The following AGBL1 variants were observed in gnomAD, a reference collection of about 807,000 sequenced individuals.
The protein encoded by AGBL1 is cytosolic carboxypeptidase 4.
In AGBL1, 130 loss-of-function variants were observed where a neutral mutation model predicts 118.9. The observed-to-expected ratio is 1.09, with a 90% confidence interval of 0.95 to 1.26. The LOEUF (loss-of-function observed/expected upper bound fraction) is 1.26. AGBL1 is among the 50% of genes most tolerant of loss of function. The pLI is 0.00. For missense variants in AGBL1, 1,584 were observed against 1,298.1 expected, an observed-to-expected ratio of 1.22 and a Z score of -3.38; for synonymous variants, 555 against 478.9, an observed-to-expected ratio of 1.16 and a Z score of -2.08.
intron 17 of AGBL1, among the ~76,000 whole-genome samples, chr15:86,325,577 C>T (rs757682047): frequency 8.5e-5 from 13 of 152,234 alleles, no homozygotes; most frequent in Non-Finnish European, 1.5e-4. Context: ...GGGGAGTCTT[C>T]GCCTCTGCTG....
intron 5 of AGBL1, among the ~76,000 whole-genome samples, chr15:86,198,077 T>A (rs928803073): frequency 1.3e-5 from 2 of 152,108 alleles, no homozygotes; most frequent in African/African-American, 4.8e-5. Flanking sequence ...GACAGAGTCA[T>A]GGGGGTGACA....
chr15:86,857,146 C>A (rs576621181), intron 22 of AGBL1, among the ~76,000 whole-genome samples: 39 of 152,142 alleles, frequency 2.6e-4, no homozygotes, highest in Non-Finnish European at 4.0e-4. Flanking sequence ...TTTATCCATC[C>A]CCCAGCCAGC....
At chr15:86,847,711 G>A (rs1317277863) in intron 22 of AGBL1, among the ~76,000 whole-genome samples, 1 of 152,142 alleles carries the variant, frequency 6.6e-6, no homozygotes, top group Non-Finnish European at 1.5e-5. Context: ...GCTGGCTCCA[G>A]ATTTTATTTT....
chr15:86,903,129 T>C (rs1359206359), intron 22 of AGBL1, among the ~76,000 whole-genome samples: 1 of 152,082 alleles, frequency 6.6e-6, no homozygotes, highest in Non-Finnish European at 1.5e-5. Flanking sequence ...GGGTTTTTTC[T>C]ATTTTTCTAC....
intron 18 of AGBL1, among the ~76,000 whole-genome samples, chr15:86,521,055 C>T (rs1045027472): frequency 1.3e-5 from 2 of 152,160 alleles, no homozygotes; most frequent in African/African-American, 4.8e-5. Flanking sequence ...CAGAGAGGAA[C>T]ATGCACAAGA....
At chr15:86,437,667 C>A (rs1478491022) in intron 18 of AGBL1, among the ~76,000 whole-genome samples, 1 of 152,180 alleles carries the variant, frequency 6.6e-6, no homozygotes, top group Admixed American at 6.5e-5. Context: ...TTTCATCTAA[C>A]ACGGAGTGAG....
At chr15:86,698,610 G>GTTT (rs78700642) in intron 22 of AGBL1, among the ~76,000 whole-genome samples, 2 of 138,486 alleles carry the variant, frequency 1.4e-5, no homozygotes, top group Non-Finnish European at 1.6e-5. Flanking sequence ...GCTGATCATT[G>GTTT]TTTTTTTTTT....
At chr15:86,348,343 A>G (rs1362490303) in intron 17 of AGBL1, among the ~76,000 whole-genome samples, 1 of 152,254 alleles carries the variant, frequency 6.6e-6, no homozygotes, top group Non-Finnish European at 1.5e-5. Context: ...CTGTGTTTTC[A>G]CCTTAGTGAA....
At chr15:86,089,828 A>G (rs1279274009) in intron 1 of AGBL1, among the ~76,000 whole-genome samples, 1 of 152,082 alleles carries the variant, frequency 6.6e-6, no homozygotes, top group African/African-American at 2.4e-5. Context: ...GATTAAGAGG[A>G]CACTATAAGC....
chr15:86,971,945 C>T (rs189872187), intron 23 of AGBL1, among the ~76,000 whole-genome samples: 2 of 152,006 alleles, frequency 1.3e-5, no homozygotes, highest in Non-Finnish European at 1.5e-5. Flanking sequence ...TTGGCACTTC[C>T]CCTTCCTGCT....
chr15:86,433,266 CTTTTTTTTTTTT>C (rs59417397), intron 18 of AGBL1, among the ~76,000 whole-genome samples: 8 of 74,894 alleles, frequency 1.1e-4, no homozygotes, highest in African/African-American at 1.6e-4. Flanking sequence ...CCTCCTTCTT[CTTTTTTTTTTTT>C]TTTTTTTTTT....
In AGBL1 at chr15:86,271,043, A is replaced by ATTTTTTTTTTT. The variant is rs58166692; in HGVS notation, c.1988-564_1988-554dup. 6.7e-5 allele frequency among the ~76,000 whole-genome samples: 6 copies of ATTTTTTTTTTT among 89,060 alleles called. 1 individual carries two copies. The highest frequency in any genetic ancestry group is 9.6e-5 in the African/African-American group (2 of 20,916). The allele number at this position is 89,060 out of a possible 152,430, so 58.4% of individuals were successfully genotyped here. On this transcript the variant is annotated intron_variant, in intron 14 of 22. Transcript: ENST00000614907. ...TCTCTCTCTGCTTCAGTCACGTTGC[A>ATTTTTTTTTTT]TTTTTTTTTTTTTTTTTTTTTTGGC...
At chr15:86,465,708 T>C (rs1039173003) in intron 18 of AGBL1, among the ~76,000 whole-genome samples, 3 of 152,162 alleles carry the variant, frequency 2.0e-5, no homozygotes, top group African/African-American at 7.2e-5. Flanking sequence ...GATTGGGAAA[T>C]TCCAGCCTGG....
At chr15:86,660,363 A>G (rs2085519834) in intron 21 of AGBL1, among the ~76,000 whole-genome samples, 1 of 152,132 alleles carries the variant, frequency 6.6e-6, no homozygotes, top group Non-Finnish European at 1.5e-5. Context: ...CAAATAAATA[A>G]ATTTACCCTT....
chr15:86,360,967 CT>C (rs2080796975), intron 17 of AGBL1, among the ~76,000 whole-genome samples: 3 of 151,558 alleles, frequency 2.0e-5, no homozygotes. Flanking sequence ...TTTCTATTTT[CT>C]ATTTGATTTA....
At chr15:86,135,573 A>C (rs1415809123) in intron 1 of AGBL1, among the ~76,000 whole-genome samples, 1 of 152,208 alleles carries the variant, frequency 6.6e-6, no homozygotes, top group Non-Finnish European at 1.5e-5. Context: ...AGGCTCTGTC[A>C]GATTGCATAT....
At chr15:86,938,188 G>T (rs2080699647) in intron 23 of AGBL1, among the ~76,000 whole-genome samples, 1 of 152,144 alleles carries the variant, frequency 6.6e-6, no homozygotes, top group South Asian at 2.1e-4. Context: ...TGCTGCCCAT[G>T]GAAGTCTGCT....
chr15:86,917,008 G>A (rs1196779140), downstream of AGBL1, among the ~76,000 whole-genome samples: 1 of 152,228 alleles, frequency 6.6e-6, no homozygotes. This position sits in a 1 kb window ranked among gnomAD's most constrained non-coding sequence, Gnocchi z 4.8. Flanking sequence ...AAGACCTAAA[G>A]GAGGGGGAAT....
At chr15:86,755,688 G>T (rs2077928235) in intron 22 of AGBL1, among the ~76,000 whole-genome samples, 1 of 152,088 alleles carries the variant, frequency 6.6e-6, no homozygotes, top group Admixed American at 6.6e-5. Context: ...GTTCCTTCAT[G>T]TACTTTCCTG....
Sources: gnomAD v4.1 joint callset for allele counts (sites outside exome capture counted in the v4.1 genomes callset) on GRCh38, gnomAD v4.1.1 for gene constraint, Gnocchi (gnomAD v3.1) non-coding constraint, MANE v1.5 for transcripts, NCBI Gene and HGNC (gene_info 2026-07-23, HGNC 2026-07-21) for gene names.